Variants in TNFSF4 observed in about 807,000 individuals in gnomAD.
The protein encoded by TNFSF4 is tumor necrosis factor ligand superfamily member 4.
A neutral mutation model predicts 7.3 loss-of-function variants in TNFSF4; 4 were observed. The ratio of observed to expected loss-of-function variants is 0.55; its 90% CI spans 0.27 to 1.25. The LOEUF (loss-of-function observed/expected upper bound fraction) is 1.25. Ranked by LOEUF, TNFSF4 falls within the 50% of genes most tolerant of loss-of-function variation. The pLI is 0.12. For missense variants in TNFSF4, 181 were observed against 208.8 expected, an observed-to-expected ratio of 0.87 and a Z score of 0.82; for synonymous variants, 76 against 83.7, an observed-to-expected ratio of 0.91 and a Z score of 0.50.
At chr1:173,233,182 G>A in the TNFSF4 span, among the ~76,000 whole-genome samples, 20 of 152,308 alleles carry the variant, frequency 1.3e-4, no homozygotes, top group African/African-American at 4.8e-4. Flanking sequence ...CATGACACAT[G>A]CACAAGCTTC....
the TNFSF4 span, chr1:173,363,158 A>G: frequency 2.3e-5 from 7 of 300,386 alleles, no homozygotes. Context: ...CACTGTGGAA[A>G]GTTATACTCC....
downstream of TNFSF4, among the ~76,000 whole-genome samples, chr1:173,181,492 T>C (rs115962073): frequency 4.5e-3 from 684 of 152,334 alleles, 3 homozygotes; most frequent in Admixed American, 6.3e-3. Context: ...CACAAGGATA[T>C]GATCAAAGTC....
At chr1:173,396,449 G>A in the TNFSF4 span, among the ~76,000 whole-genome samples, 489 of 152,298 alleles carry the variant, frequency 3.2e-3, 5 homozygotes, top group African/African-American at 0.011. Context: ...GGTCAAGGCT[G>A]CAGTAGGCTA....
At chr1:173,444,187 G>A in the TNFSF4 span, among the ~76,000 whole-genome samples, 3 of 151,824 alleles carry the variant, frequency 2.0e-5, no homozygotes, top group South Asian at 2.1e-4. Flanking sequence ...CACTCCACCC[G>A]ACCCCTTTCT....
the TNFSF4 span, among the ~76,000 whole-genome samples, chr1:173,302,873 A>T: frequency 6.6e-6 from 1 of 151,900 alleles, no homozygotes; most frequent in Admixed American, 6.6e-5. Flanking sequence ...GTTATAAAAG[A>T]CACCTTTGAA....
chr1:173,286,662 A>C, the TNFSF4 span, among the ~76,000 whole-genome samples: 4 of 152,120 alleles, frequency 2.6e-5, no homozygotes, highest in African/African-American at 9.6e-5. Context: ...AAATAAAAGA[A>C]TCTCTTTCTG....
At chr1:173,441,979 C>G in the TNFSF4 span, 1 of 152,232 alleles carries the variant, frequency 6.6e-6, no homozygotes, top group African/African-American at 2.4e-5. Flanking sequence ...AAAGGTGGAT[C>G]AAAATGCTGA....
the TNFSF4 span, among the ~76,000 whole-genome samples, chr1:173,239,566 C>G: frequency 2.0e-5 from 3 of 152,202 alleles, no homozygotes; most frequent in Non-Finnish European, 4.4e-5. Context: ...TAGAGCAGAT[C>G]CTGTTATCCT....
chr1:173,413,487 C>T, the TNFSF4 span, among the ~76,000 whole-genome samples: 2 of 152,216 alleles, frequency 1.3e-5, no homozygotes, highest in Non-Finnish European at 2.9e-5. Context: ...TGCCAGTGTT[C>T]ATGATCTAAG....
At chr1:173,202,240 G>C (rs954712221) in intron 1 of TNFSF4, among the ~76,000 whole-genome samples, 1 of 152,052 alleles carries the variant, frequency 6.6e-6, no homozygotes, top group Non-Finnish European at 1.5e-5. Flanking sequence ...CTTTTGGCTT[G>C]TTTCCCAACT....
the TNFSF4 span, among the ~76,000 whole-genome samples, chr1:173,340,120 C>T: frequency 6.6e-6 from 1 of 152,190 alleles, no homozygotes; most frequent in Non-Finnish European, 1.5e-5. Context: ...TTCTGTCTGA[C>T]TGTCTTTGAA....
At chr1:173,431,469 A>C in the TNFSF4 span, among the ~76,000 whole-genome samples, 1 of 152,232 alleles carries the variant, frequency 6.6e-6, no homozygotes, top group African/African-American at 2.4e-5. Context: ...GGGGCCCAAA[A>C]TCAGCCTGCA....
At chr1:173,175,615 T>C in the TNFSF4 span, 1 of 152,340 alleles carries the variant, frequency 6.6e-6, no homozygotes, top group South Asian at 2.1e-4. Flanking sequence ...ATAGCACAAC[T>C]TGTGCTGCCA....
At chr1:173,367,020 T>C in the TNFSF4 span, among the ~76,000 whole-genome samples, 3 of 152,238 alleles carry the variant, frequency 2.0e-5, no homozygotes, top group Non-Finnish European at 4.4e-5. Context: ...GATTATCCAT[T>C]TGTCCAGTTT....
At chr1:173,297,196 G>A in the TNFSF4 span, among the ~76,000 whole-genome samples, 1 of 151,972 alleles carries the variant, frequency 6.6e-6, no homozygotes, top group East Asian at 1.9e-4. Flanking sequence ...TAGGGAGACA[G>A]GGCAGACTTC....
At chr1:173,286,141 A>G in the TNFSF4 span, among the ~76,000 whole-genome samples, 35 of 152,364 alleles carry the variant, frequency 2.3e-4, no homozygotes, top group African/African-American at 7.7e-4. Context: ...CATGAATTAC[A>G]AAACTCAAAA....
the TNFSF4 span, among the ~76,000 whole-genome samples, chr1:173,392,153 C>T: frequency 6.6e-6 from 1 of 152,196 alleles, no homozygotes; most frequent in Non-Finnish European, 1.5e-5. Flanking sequence ...AAGGCCTGCA[C>T]TCTACTAGTA....
At chr1:173,239,253 T>C in the TNFSF4 span, among the ~76,000 whole-genome samples, 2 of 152,148 alleles carry the variant, frequency 1.3e-5, no homozygotes, top group Admixed American at 1.3e-4. Context: ...CATTAATAAC[T>C]GCTGACACCC....
At chr1:173,332,060 C>T in the TNFSF4 span, among the ~76,000 whole-genome samples, 2 of 152,196 alleles carry the variant, frequency 1.3e-5, no homozygotes, top group Non-Finnish European at 2.9e-5. Context: ...AGCCCAAATG[C>T]CAATAGTGAT....
Sources: gnomAD v4.1 joint callset for allele counts (sites outside exome capture counted in the v4.1 genomes callset) on GRCh38, gnomAD v4.1.1 for gene constraint, MANE v1.5 for transcripts, NCBI Gene and HGNC (gene_info 2026-07-23, HGNC 2026-07-21) for gene names.